Variants in CHRM3 observed in about 807,000 individuals in gnomAD.
CHRM3 encodes the protein cholinergic receptor muscarinic 3.
In CHRM3, 11 loss-of-function variants were observed where a neutral mutation model predicts 41.8. That is an observed-to-expected ratio of 0.26 (90% CI 0.17 to 0.44). The LOEUF is 0.44. CHRM3 is among the 20% of genes least tolerant of loss of function. The pLI is 1.00. For missense variants in CHRM3, 571 were observed against 745.4 expected (o/e 0.77, Z 2.72); for synonymous variants, 297 against 301.4 (o/e 0.99, Z 0.15).
chr1:239,641,823 T>G lies in CHRM3; in HGVS notation c.-250+9537T>G, dbSNP rs796533257. Among the ~76,000 whole-genome samples, 21 of 124,096 alleles carry G rather than the reference T, an allele frequency of 1.7e-4. 6 individuals carry two copies. The highest frequency in any genetic ancestry group is 1.0e-3 in the East Asian group (5 of 4,778). 81.4% of individuals were successfully genotyped at this position (124,096 alleles called of 152,430 possible). On this transcript the variant is annotated intron_variant, in intron 4 of 6. Coordinates refer to ENST00000676153, the MANE Select transcript of CHRM3 (RefSeq NM_001375978.1). ...TCCTGTCATTATGATGTTAGCTGGT[T>G]ATTTTGCTCGTTAGTTGATGCAGTT...
In CHRM3 at chr1:239,404,723, T is replaced by TATATA. The variant is rs1424030376; in HGVS notation, c.-521+17497_-521+17501dup. On this transcript the variant is annotated intron_variant, in intron 1 of 6. Transcript: ENST00000676153. ...AAATGTATCATGCTATATCTAAATA[T>TATATA]ATATATATATATATATATATATATA... Among the ~76,000 whole-genome samples the TATATA allele has an allele frequency of 7.3e-3, 494 of 67,388 alleles. 17 individuals carry two copies. Among genetic ancestry groups the TATATA allele is most frequent in the Admixed American group, 0.053 (315 of 5,972 alleles). 44.2% of individuals were successfully genotyped at this position (67,388 alleles called of 152,430 possible).
At chr1:239,840,276 G>A (rs766331211) in intron 6 of CHRM3, among the ~76,000 whole-genome samples, 4 of 152,186 alleles carry the variant, frequency 2.6e-5, no homozygotes, top group Middle Eastern at 6.8e-3. Context: ...GTTACCTTGG[G>A]ACACTGTGTA....
At chr1:239,621,937 G>C (rs1668414898) in intron 3 of CHRM3, among the ~76,000 whole-genome samples, 1 of 152,126 alleles carries the variant, frequency 6.6e-6, no homozygotes, top group African/African-American at 2.4e-5. Context: ...TGGCTTTAAA[G>C]TTTCAAAGGA....
intron 1 of CHRM3, among the ~76,000 whole-genome samples, chr1:239,423,295 T>C (rs889790779): frequency 6.6e-6 from 1 of 152,240 alleles, no homozygotes; most frequent in Non-Finnish European, 1.5e-5. Flanking sequence ...AAGAAAATCA[T>C]ATGCAATTAA....
At chr1:239,507,662 T>C (rs1668665588) in intron 2 of CHRM3, among the ~76,000 whole-genome samples, 1 of 152,200 alleles carries the variant, frequency 6.6e-6, no homozygotes, top group South Asian at 2.1e-4. Context: ...TTTTCATTGA[T>C]ATGTTTATGG....
chr1:239,523,164 T>C (rs1430345242), intron 2 of CHRM3, among the ~76,000 whole-genome samples: 1 of 152,148 alleles, frequency 6.6e-6, no homozygotes, highest in African/African-American at 2.4e-5. Context: ...GTAGATAATA[T>C]ATGCTATATA....
intron 3 of CHRM3, among the ~76,000 whole-genome samples, chr1:239,587,863 A>C (rs1208710268): frequency 1.3e-5 from 2 of 152,234 alleles, no homozygotes; most frequent in East Asian, 3.8e-4. Context: ...TAAATTTTAC[A>C]GATCTTATTT....
chr1:239,551,966 A>G (rs1342118790), intron 3 of CHRM3, among the ~76,000 whole-genome samples: 3 of 152,260 alleles, frequency 2.0e-5, no homozygotes, highest in East Asian at 1.9e-4. Flanking sequence ...TGAATGAATC[A>G]TATATACCAT....
intron 5 of CHRM3, among the ~76,000 whole-genome samples, chr1:239,742,216 G>A (rs895456382): frequency 6.6e-6 from 1 of 152,048 alleles, no homozygotes; most frequent in African/African-American, 2.4e-5. Context: ...ATTATTTGAA[G>A]AGCTGCTATC....
chr1:239,623,047 C>A (rs1394455777), intron 3 of CHRM3, among the ~76,000 whole-genome samples: 1 of 151,412 alleles, frequency 6.6e-6, no homozygotes, highest in Admixed American at 6.6e-5. Flanking sequence ...GAGGCAAACC[C>A]TCCACCAAAA....
chr1:239,516,077 T>C lies in CHRM3; in HGVS notation c.-422+23270T>C, dbSNP rs896619110. On this transcript the variant is annotated intron_variant, in intron 2 of 6. Coordinates refer to ENST00000676153, the MANE Select transcript of CHRM3 (RefSeq NM_001375978.1). ...TCTTTCTCGCTCTCTCTCATCTAGA[T>C]TGCCAGAAAGCTGAGCTTTTTTTTT... Among the ~76,000 whole-genome samples the C allele has an allele frequency of 6.6e-5, 10 of 152,334 alleles. No homozygotes were observed. The East Asian group carries it at 1.9e-3, about 29-fold the overall frequency.
At chr1:239,844,932 C>G (rs1052882935) in intron 6 of CHRM3, among the ~76,000 whole-genome samples, 1 of 152,156 alleles carries the variant, frequency 6.6e-6, no homozygotes, top group Non-Finnish European at 1.5e-5. Context: ...ACATGGAATG[C>G]AGTGTGAACT....
chr1:239,501,308 A>T (rs749365159), intron 2 of CHRM3, among the ~76,000 whole-genome samples: 1 of 152,220 alleles, frequency 6.6e-6, no homozygotes, highest in East Asian at 1.9e-4. Context: ...ATTTTATCCA[A>T]CGACTGCAGA....
At chr1:239,783,028 G>T (rs1299021261) in intron 5 of CHRM3, among the ~76,000 whole-genome samples, 1 of 150,042 alleles carries the variant, frequency 6.7e-6, no homozygotes, top group Non-Finnish European at 1.5e-5. Context: ...CCAGAATGTG[G>T]TCTATTTTGG....
chr1:239,575,025 A>G (rs570646002), intron 3 of CHRM3, among the ~76,000 whole-genome samples: 3 of 152,356 alleles, frequency 2.0e-5, no homozygotes, highest in East Asian at 1.9e-4. Context: ...TGCTGATTTT[A>G]TAGTGGTAGA....
intron 5 of CHRM3, among the ~76,000 whole-genome samples, chr1:239,690,849 T>G (rs1029029818): frequency 1.3e-5 from 2 of 151,944 alleles, no homozygotes; most frequent in Non-Finnish European, 2.9e-5. Flanking sequence ...TTCATCTGCT[T>G]GTAACAAAGT....
chr1:239,607,763 T>C (rs1176393144), intron 3 of CHRM3, among the ~76,000 whole-genome samples: 1 of 152,210 alleles, frequency 6.6e-6, no homozygotes, highest in Non-Finnish European at 1.5e-5. Context: ...ATCCCAAATC[T>C]AACATGCCTT....
chr1:239,434,896 A>G (rs1490106103), intron 1 of CHRM3, among the ~76,000 whole-genome samples: 2 of 152,152 alleles, frequency 1.3e-5, no homozygotes, highest in Non-Finnish European at 2.9e-5. Context: ...GAAATTTCCA[A>G]ATTATCAGCT....
chr1:239,864,874 G>C (rs959348871), intron 6 of CHRM3, among the ~76,000 whole-genome samples: 1 of 152,150 alleles, frequency 6.6e-6, no homozygotes, highest in Admixed American at 6.5e-5. Context: ...CATTAATGTT[G>C]TCAAGAGAGA....
Sources: gnomAD v4.1 joint callset for allele counts (sites outside exome capture counted in the v4.1 genomes callset) on GRCh38, gnomAD v4.1.1 for gene constraint, MANE v1.5 for transcripts, NCBI Gene and HGNC (gene_info 2026-07-23, HGNC 2026-07-21) for gene names.